TNRC6A: variants seen among roughly 807,000 people sequenced by gnomAD.
TNRC6A encodes trinucleotide repeat-containing gene 6A protein.
In TNRC6A, 44 loss-of-function variants were observed where a neutral mutation model predicts 221.2. The observed-to-expected ratio is 0.20, with a 90% CI of 0.16 to 0.26. The LOEUF is 0.26. TNRC6A is among the 10% of genes least tolerant of loss of function. The pLI is 1.00. For missense variants in TNRC6A, 2,199 were observed against 2,404.4 expected (o/e 0.91, Z 1.79); for synonymous variants, 847 against 838.5 (o/e 1.01, Z -0.18).
At position 24,823,094 on chromosome 16, in the gene TNRC6A, A is replaced by G. The variant is rs2058800055; in HGVS notation, c.5513+81A>G. ...CACAGCCTGACCCGGGGCAGTGCAC[A>G]GGGTCCTGCGTGGGTGGCTCCTGCT... On this transcript the variant is annotated intron_variant, in intron 24 of 24. Transcript: ENST00000395799. The surrounding 1 kb of genome is among the most constrained non-coding windows in gnomAD (Gnocchi z 4.3). 1 of 1,568,782 alleles carries G rather than the reference A, an allele frequency of 6.4e-7. No homozygotes were observed. Among genetic ancestry groups the G allele is most frequent in the African/African-American group, 1.3e-5 (1 of 74,258 alleles).
chr16:24,677,955 C>T lies in TNRC6A; in HGVS notation n.402+36946C>T, dbSNP rs1359110047. Among the ~76,000 whole-genome samples, 24 of 152,094 alleles carry T rather than the reference C, an allele frequency of 1.6e-4. 1 individual carries two copies. The highest frequency in any genetic ancestry group is 1.3e-3 in the Admixed American group (20 of 15,250). ...ATTCTTGCCTTTTGATATTCATACG[C>T]TTGTACAATCCCCTCCCCATGACGT... On this transcript the variant is annotated intron_variant and non_coding_transcript_variant, in intron 2 of 2. Coordinates refer to the TNRC6A transcript ENST00000566108.
In TNRC6A at chr16:24,797,170, T is replaced by G. The variant is rs181194245; in HGVS notation, c.3562-320T>G. ...CAGAAATCTAAATTATAACTAATCT[T>G]ACAGTTCTCCGTTACTCAGAGGCCC... On this transcript the variant is annotated intron_variant, in intron 9 of 24. Coordinates refer to ENST00000395799, the MANE Select transcript of TNRC6A (RefSeq NM_014494.4). Among the ~76,000 whole-genome samples, 194 of 152,280 alleles carry G rather than the reference T, an allele frequency of 1.3e-3. 1 individual carries two copies. The highest frequency in any genetic ancestry group is 1.6e-4 in the Non-Finnish European group (11 of 68,008).
intron 2 of TNRC6A, among the ~76,000 whole-genome samples, chr16:24,734,502 C>G (rs527863324): frequency 6.6e-6 from 1 of 152,112 alleles, no homozygotes; most frequent in African/African-American, 2.4e-5. Context: ...ATATTTAGAG[C>G]TGGACTATGA....
Position 24,729,848 on chromosome 16 carries a change from T to C in TNRC6A, c.5+2T>C. 7.3e-7 allele frequency: 1 copy of C among 1,361,894 alleles called. No homozygotes were observed. The highest frequency in any genetic ancestry group is 9.5e-7 in the Non-Finnish European group (1 of 1,047,578). 84.4% of individuals were successfully genotyped at this position (1,361,894 alleles called of 1,614,324 possible). ...GCTCGTGCACTTTACACACATGAGGTGAGCGGAACAAGGGCCTCCCTCCGG... is the reference window on the plus strand; with the variant it reads ...GCTCGTGCACTTTACACACATGAGGCGAGCGGAACAAGGGCCTCCCTCCGG... On this transcript the variant is annotated splice_donor_variant, in intron 1 of 24. Transcript: ENST00000395799. LOFTEE classifies it high-confidence loss of function.
At position 24,713,654 on chromosome 16, in the gene TNRC6A, AT is replaced by A. The variant is rs112030829; in HGVS notation, n.403-37062del. On this transcript the variant is annotated intron_variant and non_coding_transcript_variant, in intron 2 of 2. Transcript: ENST00000566108. ...TTTTATTTTAGTTTAGTTTAGTTTT[AT>A]TTTTTTTTTGAGACAAAGTCTCACT... Among the ~76,000 whole-genome samples the A allele has an allele frequency of 2.4e-4, 35 of 146,426 alleles. 1 individual carries two copies. The highest frequency in any genetic ancestry group is 3.5e-3 in the Middle Eastern group (1 of 288).
intron 2 of TNRC6A, among the ~76,000 whole-genome samples, chr16:24,665,386 G>A (rs1168173313): frequency 1.3e-5 from 2 of 152,042 alleles, no homozygotes; most frequent in Non-Finnish European, 2.9e-5. Flanking sequence ...GGAAAGAATT[G>A]GTAAATGGCC....
At position 24,612,888 on chromosome 16, in the gene TNRC6A, A is replaced by G. The variant is rs549267159; in HGVS notation, n.276+2404A>G. On this transcript the variant is annotated intron_variant and non_coding_transcript_variant, in intron 1 of 2. Coordinates refer to the TNRC6A transcript ENST00000566108. ...GAAGGCAGCTATTAAGTCATCACACAAGATGATATATTGTTTCAAAGTGGG... is the reference window on the plus strand; with the variant it reads ...GAAGGCAGCTATTAAGTCATCACACGAGATGATATATTGTTTCAAAGTGGG... Among the ~76,000 whole-genome samples the G allele has an allele frequency of 3.3e-5, 5 of 152,242 alleles. No individual in the cohort carries two copies. The East Asian group carries it at 9.6e-4, about 29-fold the overall frequency.
chr16:24,665,051 C>CTTAT (rs1440182435), intron 2 of TNRC6A: 2 of 447,982 alleles, frequency 4.5e-6, no homozygotes, highest in Non-Finnish European at 9.0e-6. Flanking sequence ...GACAAACTAA[C>CTTAT]TTATTTATTT....
At chr16:24,784,527 T>C (rs1331610241) in intron 5 of TNRC6A, among the ~76,000 whole-genome samples, 2 of 152,118 alleles carry the variant, frequency 1.3e-5, no homozygotes, top group African/African-American at 2.4e-5. Context: ...TGTTGCAGGG[T>C]TGCCCAGGAT....
At chr16:24,648,508 GA>G (rs1292545127) in intron 2 of TNRC6A, among the ~76,000 whole-genome samples, 1 of 151,876 alleles carries the variant, frequency 6.6e-6, no homozygotes, top group East Asian at 1.9e-4. Flanking sequence ...CTGACCTCAT[GA>G]TTCACCCGCC....
chr16:24,692,560 C>A (rs1279696532), intron 2 of TNRC6A, among the ~76,000 whole-genome samples: 1 of 151,544 alleles, frequency 6.6e-6, no homozygotes, highest in South Asian at 2.1e-4. Context: ...ACAGCGTGAA[C>A]CTCCATCTCA....
At chr16:24,750,011 G>A (rs939507179) in intron 2 of TNRC6A, among the ~76,000 whole-genome samples, 1 of 152,114 alleles carries the variant, frequency 6.6e-6, no homozygotes, top group African/African-American at 2.4e-5. Flanking sequence ...ATGGTGGCAG[G>A]TACTTGTAAA....
intron 18 of TNRC6A, 84 bp downstream of exon 18, chr16:24,809,565 A>C: frequency 7.3e-7 from 1 of 1,367,090 alleles, no homozygotes; most frequent in Non-Finnish European, 9.5e-7. Context: ...TTTTATTTTA[A>C]ATGTGTTTTC....
chr16:24,792,397 A>G (rs1017874903), intron 6 of TNRC6A, among the ~76,000 whole-genome samples: 9 of 152,150 alleles, frequency 5.9e-5, no homozygotes, highest in Non-Finnish European at 1.2e-4. Flanking sequence ...GTGATTGGCT[A>G]CATTGTCTTT....
chr16:24,804,327 T>A lies in TNRC6A; in HGVS notation c.3837+8T>A. On this transcript the variant is annotated splice_region_variant and intron_variant, in intron 12 of 24. Transcript: ENST00000395799. ...AATCCTTATTTTGATAAGGTAAGGT[T>A]TTTTACTTTTACCTCTGACTTGATA... is the stretch of plus-strand genomic sequence containing the variant. The A allele has an allele frequency of 1.9e-6, 3 of 1,608,828 alleles. 1 individual carries two copies. In the South Asian group the frequency reaches 3.3e-5, roughly 18 times the overall value.
chr16:24,740,044 A>G (rs2056858914), intron 2 of TNRC6A, among the ~76,000 whole-genome samples: 1 of 152,194 alleles, frequency 6.6e-6, no homozygotes, highest in Non-Finnish European at 1.5e-5. Context: ...CATTTGTTGA[A>G]AAGACTTTCA....
chr16:24,699,967 T>C (rs1417635219), intron 2 of TNRC6A, among the ~76,000 whole-genome samples: 1 of 152,032 alleles, frequency 6.6e-6, no homozygotes, highest in African/African-American at 2.4e-5. Context: ...TAAATCTAGC[T>C]CTGATGCCAA....
intron 4 of TNRC6A, among the ~76,000 whole-genome samples, chr16:24,768,070 GA>G: frequency 6.6e-6 from 1 of 152,166 alleles, no homozygotes; most frequent in Non-Finnish European, 1.5e-5. Flanking sequence ...CAAATTTGAA[GA>G]GAGCCATTCT....
At chr16:24,709,541 T>C (rs1450816137) in intron 2 of TNRC6A, among the ~76,000 whole-genome samples, 4 of 152,094 alleles carry the variant, frequency 2.6e-5, no homozygotes, top group Non-Finnish European at 4.4e-5. Flanking sequence ...AATGTTTATA[T>C]TGGCCAGGCC....
Sources: allele counts gnomAD v4.1 joint callset (sites outside exome capture counted in the v4.1 genomes callset), GRCh38; gene constraint gnomAD v4.1.1; non-coding constraint Gnocchi (gnomAD v3.1); transcripts MANE v1.5; gene names NCBI Gene and HGNC (gene_info 2026-07-23, HGNC 2026-07-21).